The following M6PR variants were observed in gnomAD, a reference collection of about 807,000 sequenced individuals.
M6PR encodes mannose-6-phosphate receptor, cation dependent.
A neutral mutation model predicts 33.1 loss-of-function variants in M6PR; 19 were observed. The observed-to-expected ratio is 0.57, with a 90% CI of 0.40 to 0.84. The LOEUF is 0.84. M6PR is among the 40% of genes least tolerant of loss of function. The probability of loss-of-function intolerance (pLI) is 0.00; values close to 1 mark genes in which losing one functional copy is unlikely to be tolerated. For missense variants in M6PR, 295 were observed against 336.0 expected (o/e 0.88, Z 0.95); for synonymous variants, 111 against 123.4 (o/e 0.90, Z 0.67).
rs1945978711 is a variant in M6PR at position 8,940,464 on chromosome 12, A to C, written c.*1354T>G. 6.2e-6 allele frequency: 1 copy of C among 161,876 alleles called. No homozygotes were observed. The highest frequency in any genetic ancestry group is 2.4e-5 in the African/African-American group (1 of 40,854). The allele number at this position is 161,876 out of a possible 1,614,324, so 10.0% of individuals were successfully genotyped here. The stretch of plus-strand genomic sequence containing the variant: ...GGGTGTGGGGGAGGGATGCAAACAA[A>C]TAACAAAAAAGATGCTTTTGTAACA... On this transcript the variant is annotated 3_prime_UTR_variant, in exon 7 of 7. Coordinates refer to ENST00000000412, the MANE Select transcript of M6PR (RefSeq NM_002355.4).
chr12:8,945,610 A>G, intron 2 of M6PR, 26 bp from the exon 3 acceptor site: 2 of 1,606,648 alleles, frequency 1.2e-6, no homozygotes, highest in Non-Finnish European at 1.7e-6. Flanking sequence ...GGAAGAAAGA[A>G]GAGGAGAGTT....
chr12:8,945,606 AAGAAG>A, intron 2 of M6PR, 22 bp from the exon 3 acceptor site: 3 of 1,609,618 alleles, frequency 1.9e-6, no homozygotes, highest in Non-Finnish European at 2.5e-6. Context: ...AGTGGGAAGA[AAGAAG>A]AGGAGAGTTA....
chr12:8,944,704 G>A (rs1946070549), intron 3 of M6PR, among the ~76,000 whole-genome samples: 1 of 152,150 alleles, frequency 6.6e-6, no homozygotes, highest in Non-Finnish European at 1.5e-5. Flanking sequence ...GTAAAGTTTT[G>A]CAGACTGAGT....
At position 8,945,605 on chromosome 12, in the gene M6PR, A is replaced by G. The variant is rs548788576; in HGVS notation, c.177-21T>C. The G allele has an allele frequency of 3.7e-4, 592 of 1,609,520 alleles. 3 individuals carry two copies. In the South Asian group the frequency reaches 3.7e-3, roughly 10 times the overall value. ...CAAAGCTGTAAAGAGAAGTGGGAAG[A>G]AAGAAGAGGAGAGTTACTAGCTATC... On this transcript the variant is annotated intron_variant, in intron 2 of 6. Transcript: ENST00000000412.
Position 8,942,628 on chromosome 12 carries a change from GTT to G in M6PR, c.585-88_585-87del, listed in dbSNP as rs1592221362. On this transcript the variant is annotated intron_variant, in intron 5 of 6. Transcript: ENST00000000412. ...ATAACCTCTGCATTTATTGTCAGCT[GTT>G]TCCTAAGATACATTCCCTGAAAAGG... 1.4e-5 allele frequency: 20 copies of G among 1,421,776 alleles called. No individual in the cohort carries two copies. In the East Asian group the frequency reaches 4.6e-4, roughly 33 times the overall value. 88.1% of individuals were successfully genotyped at this position (1,421,776 alleles called of 1,614,324 possible).
Position 8,942,552 on chromosome 12 carries a change from G to C in M6PR, c.585-10C>G, listed in dbSNP as rs1369124393. ...AACCAGTGATGCAAACCTGTAGAGAGAGAAAGACATCTATACTTAAGAACT... is the reference window on the plus strand; with the variant it reads ...AACCAGTGATGCAAACCTGTAGAGACAGAAAGACATCTATACTTAAGAACT... On this transcript the variant is annotated splice_polypyrimidine_tract_variant and intron_variant, in intron 5 of 6. Transcript: ENST00000000412. 6.2e-7 allele frequency: 1 copy of C among 1,613,672 alleles called. No homozygotes were observed. Among genetic ancestry groups the C allele is most frequent in the East Asian group, 2.2e-5 (1 of 44,880 alleles).
At chr12:8,948,030 C>G (rs1946124854) in intron 1 of M6PR, among the ~76,000 whole-genome samples, 1 of 152,162 alleles carries the variant, frequency 6.6e-6, no homozygotes, top group South Asian at 2.1e-4. Flanking sequence ...ACTTAGCCTG[C>G]CATTTTCCTT....
At chr12:8,948,878 GCAGCCTA>G (rs1240179739) in intron 1 of M6PR, among the ~76,000 whole-genome samples, 1 of 152,098 alleles carries the variant, frequency 6.6e-6, no homozygotes, top group African/African-American at 2.4e-5. Flanking sequence ...TTTTTCTCCA[GCAGCCTA>G]CATGTTTAGA....
Position 8,941,715 on chromosome 12 carries a change from G to T in M6PR, c.*103C>A. The T allele has an allele frequency of 7.0e-7, 1 of 1,423,374 alleles. No homozygotes were observed. Among genetic ancestry groups the T allele is most frequent in the Non-Finnish European group, 9.8e-7 (1 of 1,016,950 alleles). 88.2% of individuals were successfully genotyped at this position (1,423,374 alleles called of 1,614,324 possible). ...AGCAAACTGGAAAGCAAGAGCAATA[G>T]TAAGGGTGAGATGAGGGACTGGAGT... On this transcript the variant is annotated 3_prime_UTR_variant, in exon 7 of 7. Coordinates refer to ENST00000000412, the MANE Select transcript of M6PR (RefSeq NM_002355.4).
Position 8,942,507 on chromosome 12 carries a change from C to T in M6PR, c.620G>A (p.Gly207Glu). 1.2e-6 allele frequency: 2 copies of T among 1,614,048 alleles called. No individual in the cohort carries two copies. The highest frequency in any genetic ancestry group is 1.7e-6 in the Non-Finnish European group (2 of 1,179,980). Reference sequence around the variant, plus strand: ...CACTACCAGTCGCTGGTATAGGAACCCCCCAACAACATAAACAGCAACCAG... The same window carrying T: ...CACTACCAGTCGCTGGTATAGGAACTCCCCAACAACATAAACAGCAACCAG... ...ASLVAVYVVG[G>E]FLYQRLVVGA... Residue 207 changes from glycine (G) to glutamate (E), a missense_variant, in exon 6 of 7, where the codon GGG (glycine) becomes GAG (glutamate). Gly to Glu is a moderately conservative substitution (Grantham distance 98). Transcript: ENST00000000412.
At chr12:8,942,684 A>G in intron 5 of M6PR, 142 bp from the exon 6 acceptor site, 2 of 864,864 alleles carry the variant, frequency 2.3e-6, no homozygotes, top group Admixed American at 2.9e-5. Flanking sequence ...TAAATGAAAA[A>G]GGGGGCTGGT....
At position 8,945,500 on chromosome 12, in the gene M6PR, C is replaced by T. The variant is rs1468528838; in HGVS notation, c.261G>A (p.Gly87=). 1.2e-6 allele frequency: 2 copies of T among 1,613,884 alleles called. No individual in the cohort carries two copies. The highest frequency in any genetic ancestry group is 1.7e-6 in the Non-Finnish European group (2 of 1,180,010). ...VCREAGNHTS[G]AGLVQINKSN... ...TTTTGTTGATTTGCACCAGGCCTGC[C>T]CCAGAAGTGTGGTTGCCAGCTTCCC... Residue 87 remains glycine (G), a synonymous_variant, in exon 3 of 7, where the codon GGG becomes GGA. Transcript: ENST00000000412.
chr12:8,946,624 G>C, intron 1 of M6PR: 1 of 433,178 alleles, frequency 2.3e-6, no homozygotes, highest in South Asian at 5.2e-5. Context: ...TAATGTATAG[G>C]TGAGTCTTTC....
In M6PR at chr12:8,941,935, G is replaced by C. The variant is rs376340278; in HGVS notation, c.717C>G (p.Gly239=). The C allele has an allele frequency of 1.2e-6, 2 of 1,614,018 alleles. No individual in the cohort carries two copies. The highest frequency in any genetic ancestry group is 4.5e-5 in the East Asian group (2 of 44,898). Residue 239 remains glycine, a synonymous_variant, in exon 7 of 7, where the codon GGC becomes GGG. Coordinates refer to ENST00000000412, the MANE Select transcript of M6PR (RefSeq NM_002355.4). ...GTTTAGAACGGCAGACAAAGTCACA[G>C]CCATCCTGTAGGGGGAAAAAAAAGA... The part of the protein sequence containing the change: ...WQDLGNLVAD[G]CDFVCRSKPR...
At chr12:8,943,371 G>T in intron 5 of M6PR, 34 bp downstream of exon 5, 1 of 1,612,732 alleles carries the variant, frequency 6.2e-7, no homozygotes, top group South Asian at 1.1e-5. Context: ...CAAAAGGAAG[G>T]AAGGTCTGTT....
At chr12:8,942,233 A>C in intron 6 of M6PR, 183 bp downstream of exon 6, 3 of 768,774 alleles carry the variant, frequency 3.9e-6, no homozygotes, top group Non-Finnish European at 6.2e-6. Flanking sequence ...CCAAGGCCAG[A>C]AATGGATGCT....
At position 8,941,948 on chromosome 12, in the gene M6PR, G is replaced by A. The variant is rs1370875580; in HGVS notation, c.712-8C>T. 7 of 1,613,746 alleles carry A rather than the reference G, an allele frequency of 4.3e-6. No individual in the cohort carries two copies. The highest frequency in any genetic ancestry group is 5.9e-6 in the Non-Finnish European group (7 of 1,179,864). On this transcript the variant is annotated splice_region_variant and splice_polypyrimidine_tract_variant and intron_variant, in intron 6 of 6. Coordinates refer to ENST00000000412, the MANE Select transcript of M6PR (RefSeq NM_002355.4). The stretch of plus-strand genomic sequence containing the variant: ...GACAAAGTCACAGCCATCCTGTAGG[G>A]GGAAAAAAAAGAAGGAAATAATTCG...
chr12:8,946,822 A>G (rs1263757029), intron 1 of M6PR: 1 of 155,552 alleles, frequency 6.4e-6, no homozygotes. Flanking sequence ...GTTGTCTTTT[A>G]CACTACAAAT....
At chr12:8,946,512 A>T in intron 1 of M6PR, 107 bp from the exon 2 acceptor site, 1 of 845,046 alleles carries the variant, frequency 1.2e-6, no homozygotes, top group Non-Finnish European at 1.9e-6. Context: ...AATTATCCAG[A>T]AAGTACAAGA....
Sources: allele counts gnomAD v4.1 joint callset (sites outside exome capture counted in the v4.1 genomes callset), GRCh38; gene constraint gnomAD v4.1.1; transcripts MANE v1.5; gene names NCBI Gene and HGNC (gene_info 2026-07-23, HGNC 2026-07-21).